The following GALNT18 variants were observed in gnomAD, a reference collection of about 807,000 sequenced individuals.
GALNT18 encodes the protein GalNAc-transferase 18.
A neutral mutation model predicts 69.5 loss-of-function variants in GALNT18; 44 were observed. The observed-to-expected ratio is 0.63, with a 90% CI of 0.50 to 0.81. GALNT18 has a LOEUF of 0.81. Ranked by LOEUF, GALNT18 falls within the 40% of genes least tolerant of loss-of-function variation. The probability of loss-of-function intolerance (pLI) is 0.00; values close to 1 mark genes in which losing one functional copy is unlikely to be tolerated. For synonymous variants in GALNT18, 364 were observed against 318.2 expected, an observed-to-expected ratio of 1.14 and a Z score of -1.53; for missense variants, 715 against 810.0, an observed-to-expected ratio of 0.88 and a Z score of 1.42.
At chr11:11,376,464 A>T (rs987866964) in intron 5 of GALNT18, among the ~76,000 whole-genome samples, 2 of 152,252 alleles carry the variant, frequency 1.3e-5, no homozygotes, top group African/African-American at 4.8e-5. Flanking sequence ...AGCCGAGACC[A>T]CACAAGGGAG....
chr11:11,592,863 T>C lies in GALNT18; in HGVS notation c.235+28496A>G, dbSNP rs1859391072. ...TTCTTAAGGCCTCTGGTTACCTTTC[T>C]TGTAGATAAAATGCTAAGGGTCAGA... On this transcript the variant is annotated intron_variant, in intron 1 of 10. Transcript: ENST00000227756. This position sits in a 1 kb window ranked among gnomAD's most constrained non-coding sequence, Gnocchi z 5.9. Among the ~76,000 whole-genome samples, 1 of 152,228 alleles carries C rather than the reference T, an allele frequency of 6.6e-6. No homozygotes were observed. The highest frequency in any genetic ancestry group is 1.5e-5 in the Non-Finnish European group (1 of 68,038).
In GALNT18 at chr11:11,347,962, C is replaced by T. The variant is rs567487502; in HGVS notation, c.1093-6958G>A. Among the ~76,000 whole-genome samples, 29 of 152,216 alleles carry T rather than the reference C, an allele frequency of 1.9e-4. No individual in the cohort carries two copies. The highest frequency in any genetic ancestry group is 2.6e-4 in the Admixed American group (4 of 15,282). ...GAAAGTCACTCGCAGAGTGGCTGAA[C>T]GGTCAGAGATGTAGGCAAATAATAG... On this transcript the variant is annotated intron_variant, in intron 6 of 10. Transcript: ENST00000227756. The surrounding 1 kb of genome is among the most constrained non-coding windows in gnomAD (Gnocchi z 4.0).
intron 3 of GALNT18, among the ~76,000 whole-genome samples, chr11:11,429,280 C>T (rs758386443): frequency 1.3e-4 from 20 of 152,168 alleles, no homozygotes; most frequent in Non-Finnish European, 2.2e-4. Context: ...CAGATTCTCC[C>T]GAGCATTCCT....
intron 1 of GALNT18, among the ~76,000 whole-genome samples, chr11:11,521,215 C>A (rs1056325164): frequency 2.6e-5 from 4 of 152,054 alleles, no homozygotes; most frequent in African/African-American, 9.7e-5. Context: ...ACCTCACTAG[C>A]GAGCTAGAAG....
At chr11:11,484,627 A>C (rs1219586007) in intron 1 of GALNT18, among the ~76,000 whole-genome samples, 2 of 150,466 alleles carry the variant, frequency 1.3e-5, no homozygotes, top group Admixed American at 6.6e-5. Flanking sequence ...TACCCAAGTG[A>C]AATGTTAATA....
rs1456149202 is a variant in GALNT18, at chr11:11,480,281, C to A, written c.236-31345G>T. Among the ~76,000 whole-genome samples, 1 of 151,940 alleles carries A rather than the reference C, an allele frequency of 6.6e-6. No homozygotes were observed. The highest frequency in any genetic ancestry group is 1.5e-5 in the Non-Finnish European group (1 of 67,996). On this transcript the variant is annotated intron_variant, in intron 1 of 10. Transcript: ENST00000227756. This position sits in a 1 kb window ranked among gnomAD's most constrained non-coding sequence, Gnocchi z 4.6. ...CTCTCTCTCTTTCTCTCTCTCTCGC[C>A]CCCCTCGCCCCAACCTCAGTCATAT...
intron 9 of GALNT18, among the ~76,000 whole-genome samples, chr11:11,316,813 T>C (rs1849764476): frequency 6.6e-6 from 1 of 152,186 alleles, no homozygotes; most frequent in Non-Finnish European, 1.5e-5. Context: ...CAGTAGGTTG[T>C]AAGATTTCAT....
intron 3 of GALNT18, among the ~76,000 whole-genome samples, chr11:11,422,960 C>T (rs1855044188): frequency 6.6e-6 from 1 of 152,190 alleles, no homozygotes; most frequent in African/African-American, 2.4e-5. Context: ...GTGAAAGAGG[C>T]TCAACCCATT....
At chr11:11,416,551 T>C (rs372885014) in intron 3 of GALNT18, among the ~76,000 whole-genome samples, 6 of 152,180 alleles carry the variant, frequency 3.9e-5, no homozygotes, top group African/African-American at 1.4e-4. Flanking sequence ...ATTCATCAGG[T>C]GAGGAAAGGT....
intron 6 of GALNT18, chr11:11,353,041 C>T (rs773788910): frequency 8.1e-6 from 13 of 1,614,194 alleles, no homozygotes; most frequent in Admixed American, 3.3e-5. Context: ...ACATGTGACT[C>T]GTAATCCCAG....
At chr11:11,512,822 C>T (rs143151932) in intron 1 of GALNT18, among the ~76,000 whole-genome samples, 51 of 152,296 alleles carry the variant, frequency 3.3e-4, no homozygotes, top group African/African-American at 1.1e-3. Flanking sequence ...CCAGGACACA[C>T]GGGTGCTGCC....
intron 1 of GALNT18, among the ~76,000 whole-genome samples, chr11:11,549,761 C>A (rs780980045): frequency 3.4e-4 from 51 of 152,200 alleles, no homozygotes; most frequent in Non-Finnish European, 5.3e-4. Context: ...GGGCTGGGAC[C>A]CTAAGCATTG....
chr11:11,349,698 T>C (rs1205998624), intron 6 of GALNT18, among the ~76,000 whole-genome samples: 1 of 152,220 alleles, frequency 6.6e-6, no homozygotes, highest in Non-Finnish European at 1.5e-5. Context: ...GAACCAGAGC[T>C]AGGCTTTAGT....
At chr11:11,552,358 C>G (rs1018332712) in intron 1 of GALNT18, among the ~76,000 whole-genome samples, 3 of 152,218 alleles carry the variant, frequency 2.0e-5, no homozygotes, top group Non-Finnish European at 4.4e-5. Flanking sequence ...CACATTATCA[C>G]TCATCATGTT....
chr11:11,552,236 T>C (rs978193604), intron 1 of GALNT18, among the ~76,000 whole-genome samples: 1 of 152,224 alleles, frequency 6.6e-6, no homozygotes, highest in Admixed American at 6.5e-5. Context: ...CATGTGAGAA[T>C]TGTGGTCACC....
At chr11:11,352,789 AG>A (rs751420888) in intron 6 of GALNT18, 2 of 1,614,192 alleles carry the variant, frequency 1.2e-6, no homozygotes, top group Non-Finnish European at 8.5e-7. Context: ...TCAAAAACCA[AG>A]GCGGGGGTTC....
At chr11:11,483,841 C>T (rs891963513) in intron 1 of GALNT18, among the ~76,000 whole-genome samples, 5 of 152,074 alleles carry the variant, frequency 3.3e-5, no homozygotes, top group African/African-American at 9.7e-5. Flanking sequence ...GCTCAATATC[C>T]GTGGGCGAGT....
intron 10 of GALNT18, among the ~76,000 whole-genome samples, chr11:11,282,615 GTGGTGGTGAACTAGACTGAGGGAGC>G (rs1331343873): frequency 6.6e-6 from 1 of 152,162 alleles, no homozygotes; most frequent in African/African-American, 2.4e-5. Context: ...GCCTATCACA[GTGGTGGTGAACTAGACTGAGGGAGC>G]TGGTGGTGCC....
At chr11:11,492,986 G>A (rs1435520093) in intron 1 of GALNT18, among the ~76,000 whole-genome samples, 1 of 152,078 alleles carries the variant, frequency 6.6e-6, no homozygotes, top group Non-Finnish European at 1.5e-5. Flanking sequence ...TCTTGGGCCG[G>A]GTGCAGTGGC....
Sources: gnomAD v4.1 joint callset for allele counts (sites outside exome capture counted in the v4.1 genomes callset) on GRCh38, gnomAD v4.1.1 for gene constraint, Gnocchi (gnomAD v3.1) non-coding constraint, MANE v1.5 for transcripts, NCBI Gene and HGNC (gene_info 2026-07-23, HGNC 2026-07-21) for gene names.